Variants in TBC1D4 observed in about 807,000 individuals in gnomAD.
TBC1D4 encodes the protein TBC (Tre-2, BUB2, CDC16) domain-containing protein.
In TBC1D4, 121 loss-of-function variants were observed where a neutral mutation model predicts 142.5. That is an observed-to-expected ratio of 0.85 (90% CI 0.73 to 0.99). The LOEUF is 0.99. TBC1D4 is among the 50% of genes least tolerant of loss of function. The probability of loss-of-function intolerance (pLI) is 0.00; values close to 1 mark genes in which losing one functional copy is unlikely to be tolerated. For synonymous variants in TBC1D4, 630 were observed against 628.2 expected (o/e 1.00, Z -0.04); for missense variants, 1,475 against 1,606.6 (o/e 0.92, Z 1.40).
chr13:75,469,928 C>T (rs537939328), intron 1 of TBC1D4, among the ~76,000 whole-genome samples: 23 of 152,216 alleles, frequency 1.5e-4, no homozygotes, highest in African/African-American at 5.3e-4. Context: ...CATTTAAATA[C>T]TGAAGAAAGT....
At chr13:75,312,108 G>C (rs1261611262) in intron 13 of TBC1D4, among the ~76,000 whole-genome samples, 1 of 152,062 alleles carries the variant, frequency 6.6e-6, no homozygotes, top group Non-Finnish European at 1.5e-5. Flanking sequence ...ACTGTTACAT[G>C]TGCTTGCCTC....
chr13:75,319,871 C>T (rs1321628854), intron 12 of TBC1D4, 143 bp downstream of exon 12: 13 of 729,954 alleles, frequency 1.8e-5, no homozygotes, highest in Non-Finnish European at 2.5e-5. Context: ...GTCACATTTT[C>T]CCTACTATAT....
chr13:75,471,390 T>C (rs1486101478), intron 1 of TBC1D4, among the ~76,000 whole-genome samples: 1 of 152,242 alleles, frequency 6.6e-6, no homozygotes, highest in Non-Finnish European at 1.5e-5. Flanking sequence ...TAAAGGGGTA[T>C]CTATAAATAG....
At chr13:75,338,950 T>C (rs944276928) in intron 7 of TBC1D4, among the ~76,000 whole-genome samples, 3 of 152,244 alleles carry the variant, frequency 2.0e-5, no homozygotes, top group Non-Finnish European at 4.4e-5. Context: ...CTAATGATTA[T>C]GCCGCCTAAA....
chr13:75,315,163 C>A lies in TBC1D4; in HGVS notation c.2223-2265G>T, dbSNP rs549953372. 3.3e-5 allele frequency among the ~76,000 whole-genome samples: 5 copies of A among 150,320 alleles called. No homozygotes were observed. The South Asian group carries it at 1.1e-3, about 32-fold the overall frequency. ...TCTCTACTGAAAATACAAAAATTAG[C>A]CAGGTGTGGTGGTGCACACCTGTAA... is the stretch of plus-strand genomic sequence containing the variant. On this transcript the variant is annotated intron_variant, in intron 12 of 20. Transcript: ENST00000377636.
intron 12 of TBC1D4, among the ~76,000 whole-genome samples, 197 bp from the exon 13 acceptor site, chr13:75,313,095 GC>G (rs1338260451): frequency 6.6e-6 from 1 of 152,144 alleles, no homozygotes; most frequent in Non-Finnish European, 1.5e-5. Flanking sequence ...CTAGGCCACA[GC>G]CCAGTCAAGA....
chr13:75,321,441 G>GTA (rs57754032), intron 11 of TBC1D4, among the ~76,000 whole-genome samples: 1,522 of 151,308 alleles, frequency 0.01, 32 homozygotes, highest in African/African-American at 0.033. Flanking sequence ...GCATATATAT[G>GTA]TATATATATA....
intron 6 of TBC1D4, 62 bp from the exon 7 acceptor site, chr13:75,341,297 C>T (rs1452852435): frequency 2.5e-5 from 37 of 1,496,738 alleles, no homozygotes; most frequent in Middle Eastern, 3.4e-4. Flanking sequence ...TTTATTCTGT[C>T]GGGCAGACAA....
chr13:75,466,602 G>C (rs1233291633), intron 1 of TBC1D4, among the ~76,000 whole-genome samples: 4 of 152,112 alleles, frequency 2.6e-5, no homozygotes, highest in African/African-American at 9.7e-5. Flanking sequence ...GGCCAGCATG[G>C]TGGCTCACAC....
chr13:75,457,439 T>C (rs1887783776), intron 1 of TBC1D4, among the ~76,000 whole-genome samples: 1 of 152,094 alleles, frequency 6.6e-6, no homozygotes, highest in African/African-American at 2.4e-5. Flanking sequence ...ACCAAAAGTG[T>C]CTCCATGTCT....
chr13:75,438,415 C>A (rs533557408), intron 1 of TBC1D4, among the ~76,000 whole-genome samples: 3 of 152,138 alleles, frequency 2.0e-5, no homozygotes, highest in Admixed American at 6.6e-5. Context: ...AATGCCCAGT[C>A]ACTTGTAAAT....
chr13:75,294,800 G>T, intron 18 of TBC1D4, 54 bp downstream of exon 18: 1 of 1,583,388 alleles, frequency 6.3e-7, no homozygotes, highest in East Asian at 2.2e-5. Context: ...AGAAGTAGAA[G>T]TATAGTCCTT....
At chr13:75,356,113 G>A (rs374988081) in intron 4 of TBC1D4, 34 bp downstream of exon 4, 37 of 1,516,508 alleles carry the variant, frequency 2.4e-5, no homozygotes, top group African/African-American at 8.2e-5. Flanking sequence ...AGATGTGTCC[G>A]CAGGAGCAGG....
At chr13:75,338,883 G>A (rs2138065695) in intron 7 of TBC1D4, among the ~76,000 whole-genome samples, 1 of 152,292 alleles carries the variant, frequency 6.6e-6, no homozygotes, top group Non-Finnish European at 1.5e-5. Context: ...CCCTGACGTT[G>A]TTCACAGCAA....
intron 1 of TBC1D4, among the ~76,000 whole-genome samples, chr13:75,469,220 A>G (rs1268691830): frequency 6.6e-6 from 1 of 152,184 alleles, no homozygotes; most frequent in Non-Finnish European, 1.5e-5. Context: ...AGCAGCCTTC[A>G]AGAAGACACC....
intron 1 of TBC1D4, among the ~76,000 whole-genome samples, chr13:75,448,563 C>A: frequency 1.4e-5 from 2 of 145,162 alleles, no homozygotes; most frequent in South Asian, 2.2e-4. Context: ...AGCGAAACTC[C>A]GTCTCAAAAA....
chr13:75,397,550 A>G (rs1884859447), intron 1 of TBC1D4, among the ~76,000 whole-genome samples: 1 of 152,208 alleles, frequency 6.6e-6, no homozygotes, highest in Non-Finnish European at 1.5e-5. Flanking sequence ...GAGAGAAAAG[A>G]TAAGTCAGTC....
intron 1 of TBC1D4, among the ~76,000 whole-genome samples, chr13:75,445,603 A>C (rs945897328): frequency 1.3e-5 from 2 of 152,226 alleles, no homozygotes; most frequent in African/African-American, 4.8e-5. Context: ...AAAATGTAGC[A>C]GTGGTAATAC....
chr13:75,313,635 C>G (rs9573519), intron 12 of TBC1D4, among the ~76,000 whole-genome samples: 55,369 of 152,082 alleles, frequency 0.36, 12,076 homozygotes, highest in East Asian at 0.63. Context: ...GATCCTCCCA[C>G]CTCAGCCTCC....
Sources: gnomAD v4.1 joint callset for allele counts (sites outside exome capture counted in the v4.1 genomes callset) on GRCh38, gnomAD v4.1.1 for gene constraint, MANE v1.5 for transcripts, NCBI Gene and HGNC (gene_info 2026-07-23, HGNC 2026-07-21) for gene names.